The following LRRTM4 variants were observed in gnomAD, a reference collection of about 807,000 sequenced individuals.
LRRTM4 encodes leucine-rich repeat transmembrane neuronal protein 4.
A neutral mutation model predicts 47.6 loss-of-function variants in LRRTM4; 25 were observed. The observed-to-expected ratio is 0.53, with a 90% CI of 0.38 to 0.73. The LOEUF is 0.73. Among genes scored for constraint, LRRTM4 ranks in the 30% least tolerant of loss-of-function variants. LRRTM4 has a pLI of 0.00. For missense variants in LRRTM4, 638 were observed against 713.4 expected (o/e 0.89, Z 1.20); for synonymous variants, 311 against 269.5 (o/e 1.15, Z -1.51).
Position 77,382,633 on chromosome 2 carries a change from A to G in LRRTM4, c.1551+135685T>C, listed in dbSNP as rs148636003. Among the ~76,000 whole-genome samples, 949 of 152,226 alleles carry G rather than the reference A, an allele frequency of 6.2e-3. 9 individuals are homozygous for G. Among genetic ancestry groups the G allele is most frequent in the African/African-American group, 0.022 (914 of 41,582 alleles). On this transcript the variant is annotated intron_variant, in intron 3 of 3. Coordinates refer to ENST00000409884, the MANE Select transcript of LRRTM4 (RefSeq NM_001134745.3). The stretch of plus-strand genomic sequence containing the variant: ...CTGCTTCATGAAGTATGCAAAAACA[A>G]TTAGGAACTTATTCTCACAACAGTG...
intron 3 of LRRTM4, among the ~76,000 whole-genome samples, chr2:77,087,160 A>G (rs916029234): frequency 6.6e-6 from 1 of 152,224 alleles, no homozygotes; most frequent in Non-Finnish European, 1.5e-5. Flanking sequence ...ATGGCTCTGT[A>G]GACAGGAAAC....
At chr2:77,241,539 T>C (rs1464831353) in intron 3 of LRRTM4, among the ~76,000 whole-genome samples, 1 of 151,996 alleles carries the variant, frequency 6.6e-6, no homozygotes, top group African/African-American at 2.4e-5. Context: ...AAACAGTTCA[T>C]ATTTAGTAAA....
chr2:76,912,889 G>A (rs1241188868), intron 3 of LRRTM4, among the ~76,000 whole-genome samples: 2 of 152,244 alleles, frequency 1.3e-5, no homozygotes, highest in African/African-American at 4.8e-5. Flanking sequence ...GCTTCCTGAG[G>A]TCTGTTTAGA....
intron 3 of LRRTM4, among the ~76,000 whole-genome samples, chr2:77,233,489 ATATT>A (rs1179496942): frequency 1.3e-5 from 2 of 152,046 alleles, no homozygotes; most frequent in Non-Finnish European, 2.9e-5. Context: ...TTATGTATGT[ATATT>A]TATTATTTTG....
chr2:77,335,128 ATATTT>A, intron 3 of LRRTM4, among the ~76,000 whole-genome samples: 1 of 152,192 alleles, frequency 6.6e-6, no homozygotes, highest in East Asian at 1.9e-4. Flanking sequence ...ATGTTATATC[ATATTT>A]TATTTTGTTA....
intron 3 of LRRTM4, among the ~76,000 whole-genome samples, chr2:77,461,230 C>G (rs1190428201): frequency 1.3e-5 from 2 of 150,954 alleles, no homozygotes; most frequent in East Asian, 4.0e-4. Context: ...TTTTATAAAA[C>G]ATGAAAATAT....
chr2:77,350,726 C>A (rs1040421893), intron 3 of LRRTM4, among the ~76,000 whole-genome samples: 41 of 151,846 alleles, frequency 2.7e-4, no homozygotes, highest in African/African-American at 9.7e-4. Context: ...GACAAACAAT[C>A]TAAAGGAAAA....
intron 3 of LRRTM4, among the ~76,000 whole-genome samples, chr2:77,021,714 A>G (rs879688798): frequency 6.6e-6 from 1 of 152,202 alleles, no homozygotes; most frequent in Non-Finnish European, 1.5e-5. Context: ...GTTTCAATCC[A>G]TAACATCAAG....
intron 3 of LRRTM4, among the ~76,000 whole-genome samples, chr2:77,338,299 C>A (rs890483905): frequency 1.3e-5 from 2 of 152,000 alleles, no homozygotes; most frequent in Non-Finnish European, 2.9e-5. Flanking sequence ...ACAGAGTAAA[C>A]AGACAACCTA....
intron 3 of LRRTM4, among the ~76,000 whole-genome samples, chr2:77,103,910 G>A (rs1671026553): frequency 6.6e-6 from 1 of 151,938 alleles, no homozygotes; most frequent in Non-Finnish European, 1.5e-5. Context: ...AGAATTCAAT[G>A]AAGACAAAGA....
chr2:77,395,744 T>G (rs1228804514), intron 3 of LRRTM4, among the ~76,000 whole-genome samples: 1 of 151,870 alleles, frequency 6.6e-6, no homozygotes, highest in African/African-American at 2.4e-5. Context: ...CTGGCCAGAG[T>G]CATTTTTGAA....
chr2:77,507,684 C>T (rs997431017), intron 3 of LRRTM4, among the ~76,000 whole-genome samples: 2 of 151,638 alleles, frequency 1.3e-5, no homozygotes, highest in Non-Finnish European at 2.9e-5. Context: ...CCACACGCCA[C>T]GCCCCAAAGG....
At chr2:76,802,805 C>G (rs1675769663) in intron 3 of LRRTM4, among the ~76,000 whole-genome samples, 1 of 152,080 alleles carries the variant, frequency 6.6e-6, no homozygotes, top group African/African-American at 2.4e-5. Flanking sequence ...CACATATTTA[C>G]AGTCAATTGG....
intron 3 of LRRTM4, among the ~76,000 whole-genome samples, chr2:76,855,975 C>T (rs927408477): frequency 1.2e-4 from 19 of 152,156 alleles, no homozygotes; most frequent in Non-Finnish European, 2.2e-4. Context: ...GTCACTCTGG[C>T]ATTCAAGGAA....
intron 3 of LRRTM4, among the ~76,000 whole-genome samples, chr2:77,056,238 G>C (rs912014462): frequency 1.4e-5 from 2 of 143,802 alleles, no homozygotes; most frequent in African/African-American, 2.5e-5. Flanking sequence ...GAAAAAATAA[G>C]GCAGTTTAGA....
At chr2:77,405,450 T>C (rs1674147678) in intron 3 of LRRTM4, among the ~76,000 whole-genome samples, 1 of 152,132 alleles carries the variant, frequency 6.6e-6, no homozygotes, top group South Asian at 2.1e-4. Flanking sequence ...TTGAATGTGA[T>C]ATACCTCTCA....
At chr2:77,290,475 T>C (rs1041869922) in intron 3 of LRRTM4, among the ~76,000 whole-genome samples, 1 of 151,932 alleles carries the variant, frequency 6.6e-6, no homozygotes, top group East Asian at 1.9e-4. Context: ...GGATAAGACC[T>C]AATGTTTGGT....
At chr2:77,333,891 G>C (rs1228823781) in intron 3 of LRRTM4, among the ~76,000 whole-genome samples, 1 of 152,172 alleles carries the variant, frequency 6.6e-6, no homozygotes, top group African/African-American at 2.4e-5. Context: ...AAGCAGCTGG[G>C]ATAGTGGCTG....
rs368313808 is a variant in LRRTM4 at position 77,498,214 on chromosome 2, C to A, written c.1551+20104G>T. ...TTAAACTCAATTGGAAGAAATCTTTCATCAAGAGTTTAACCATATCTCTCC... is the reference window on the plus strand; with the variant it reads ...TTAAACTCAATTGGAAGAAATCTTTAATCAAGAGTTTAACCATATCTCTCC... On this transcript the variant is annotated intron_variant, in intron 3 of 3. Transcript: ENST00000409884. Among the ~76,000 whole-genome samples the A allele has an allele frequency of 1.6e-4, 25 of 151,956 alleles. No homozygotes were observed. The South Asian group carries it at 5.2e-3, about 32-fold the overall frequency.
Sources: gnomAD v4.1 joint callset for allele counts (sites outside exome capture counted in the v4.1 genomes callset) on GRCh38, gnomAD v4.1.1 for gene constraint, MANE v1.5 for transcripts, NCBI Gene and HGNC (gene_info 2026-07-23, HGNC 2026-07-21) for gene names.